The following ZMAT4 variants were observed in gnomAD, a reference collection of about 807,000 sequenced individuals.
ZMAT4 encodes zinc finger matrin-type 4.
ZMAT4 carries 17 observed loss-of-function variants against 28.7 expected under a neutral mutation model. That is an observed-to-expected ratio of 0.59 (90% CI 0.41 to 0.89). The LOEUF is 0.89. Ranked by LOEUF, ZMAT4 falls within the 40% of genes least tolerant of loss-of-function variation. The pLI is 0.00. For synonymous variants in ZMAT4, 117 were observed against 109.2 expected (o/e 1.07, Z -0.44); for missense variants, 240 against 283.8 (o/e 0.85, Z 1.11).
chr8:40,829,218 G>A (rs1373322057), intron 1 of ZMAT4, among the ~76,000 whole-genome samples: 1 of 152,206 alleles, frequency 6.6e-6, no homozygotes, highest in Non-Finnish European at 1.5e-5. Flanking sequence ...AAACAGATCT[G>A]AAAGAAAGCA....
chr8:40,582,176 C>A (rs992044063), intron 5 of ZMAT4, among the ~76,000 whole-genome samples: 1 of 152,080 alleles, frequency 6.6e-6, no homozygotes, highest in African/African-American at 2.4e-5. Context: ...ATCTACAAGA[C>A]GAAGACAAGG....
At chr8:40,600,820 A>G (rs963018529) in intron 5 of ZMAT4, among the ~76,000 whole-genome samples, 3 of 152,124 alleles carry the variant, frequency 2.0e-5, no homozygotes, top group Non-Finnish European at 4.4e-5. Context: ...ATCCCTTCCC[A>G]GCTGTCCACA....
In ZMAT4 at chr8:40,581,058, T is replaced by A. The variant is rs1386030365; in HGVS notation, c.674+107A>T. The A allele has an allele frequency of 1.7e-5, 15 of 865,248 alleles. No homozygotes were observed. The East Asian group carries it at 3.9e-4, about 22-fold the overall frequency. 53.6% of individuals were successfully genotyped at this position (865,248 alleles called of 1,614,324 possible). On this transcript the variant is annotated intron_variant, in intron 6 of 6. Transcript: ENST00000297737. ...TGTGAACTTTGAAGCAAAAGAGATG[T>A]AATTTCCACTCTACTTATTTAGAAA...
At chr8:40,545,833 A>G (rs1430152081) in intron 6 of ZMAT4, among the ~76,000 whole-genome samples, 1 of 152,020 alleles carries the variant, frequency 6.6e-6, no homozygotes, top group Non-Finnish European at 1.5e-5. Context: ...AGGAATTGAG[A>G]CAGTCAATAA....
At chr8:40,637,092 T>TAAA (rs150860407) in intron 5 of ZMAT4, among the ~76,000 whole-genome samples, 5 of 148,438 alleles carry the variant, frequency 3.4e-5, no homozygotes, top group Admixed American at 6.7e-5. Flanking sequence ...GAAATAGATT[T>TAAA]TAAAAAAAAA....
intron 5 of ZMAT4, among the ~76,000 whole-genome samples, chr8:40,652,468 C>A (rs1267822732): frequency 2.9e-5 from 1 of 33,992 alleles, no homozygotes; most frequent in Non-Finnish European, 8.1e-5. Flanking sequence ...AATAGGAACA[C>A]TTTTACACTG....
chr8:40,599,229 A>G (rs1046423222), intron 5 of ZMAT4, among the ~76,000 whole-genome samples: 9 of 152,176 alleles, frequency 5.9e-5, no homozygotes, highest in African/African-American at 1.9e-4. Context: ...GGGGAATAAG[A>G]AATGTCTGAT....
At chr8:40,538,674 C>A (rs1044050768) in intron 6 of ZMAT4, among the ~76,000 whole-genome samples, 1 of 152,164 alleles carries the variant, frequency 6.6e-6, no homozygotes, top group African/African-American at 2.4e-5. Context: ...TTGTTTCCAA[C>A]CCCTAGCTCC....
chr8:40,688,544 A>T (rs1457430635), intron 4 of ZMAT4, among the ~76,000 whole-genome samples: 1 of 152,202 alleles, frequency 6.6e-6, no homozygotes, highest in Admixed American at 6.6e-5. Flanking sequence ...ATGGTACCTC[A>T]AGATGGCCAA....
intron 1 of ZMAT4, among the ~76,000 whole-genome samples, chr8:40,888,917 C>A (rs936019809): frequency 6.6e-6 from 1 of 152,216 alleles, no homozygotes; most frequent in African/African-American, 2.4e-5. Flanking sequence ...GGTGGCTTCA[C>A]ACCTTCTTGC....
intron 3 of ZMAT4, among the ~76,000 whole-genome samples, chr8:40,737,834 G>A (rs552921093): frequency 6.6e-6 from 1 of 151,916 alleles, no homozygotes; most frequent in South Asian, 2.1e-4. Context: ...TAATGAAGAG[G>A]ATAATAGTAC....
chr8:40,863,592 A>G (rs971936128), intron 1 of ZMAT4, among the ~76,000 whole-genome samples: 2 of 152,178 alleles, frequency 1.3e-5, no homozygotes, highest in Non-Finnish European at 2.9e-5. Context: ...GCTAAGTTGA[A>G]AGTTCCTATG....
At chr8:40,747,581 G>A (rs979168537) in intron 3 of ZMAT4, among the ~76,000 whole-genome samples, 7 of 151,296 alleles carry the variant, frequency 4.6e-5, no homozygotes, top group Admixed American at 4.6e-4. Flanking sequence ...CCAGGAGTAT[G>A]TCATAAAGCA....
chr8:40,817,676 C>T (rs1815598581), intron 2 of ZMAT4, among the ~76,000 whole-genome samples: 1 of 151,998 alleles, frequency 6.6e-6, no homozygotes, highest in South Asian at 2.1e-4. Flanking sequence ...GGTCACTGGA[C>T]CAAGGGGAGC....
intron 3 of ZMAT4, among the ~76,000 whole-genome samples, chr8:40,764,615 G>A (rs1813071719): frequency 1.3e-5 from 2 of 152,092 alleles, no homozygotes. Flanking sequence ...GTTAACACTG[G>A]GATGCAAACC....
At chr8:40,621,651 C>A (rs1265088260) in intron 5 of ZMAT4, among the ~76,000 whole-genome samples, 2 of 152,154 alleles carry the variant, frequency 1.3e-5, no homozygotes, top group South Asian at 2.1e-4. Flanking sequence ...TGAGACCCTG[C>A]CTTGGGCATG....
In ZMAT4 at chr8:40,635,585, A is replaced by C. The variant is rs143732745; in HGVS notation, c.577+39119T>G. On this transcript the variant is annotated intron_variant, in intron 5 of 6. Coordinates refer to ENST00000297737, the MANE Select transcript of ZMAT4 (RefSeq NM_024645.3). ...ACTTCTATTCCCTGGTATTAGAGGT[A>C]CAATAAATATGTATTTTAAGTATTT... 3.9e-5 allele frequency among the ~76,000 whole-genome samples: 6 copies of C among 152,354 alleles called. No homozygotes were observed. In the East Asian group the frequency reaches 1.2e-3, roughly 29 times the overall value.
intron 5 of ZMAT4, among the ~76,000 whole-genome samples, chr8:40,598,783 A>C (rs1301801099): frequency 6.6e-6 from 1 of 151,968 alleles, no homozygotes; most frequent in South Asian, 2.1e-4. Flanking sequence ...CAATGAGATA[A>C]AGTCCCAACA....
intron 6 of ZMAT4, among the ~76,000 whole-genome samples, chr8:40,534,631 A>G (rs1193438652): frequency 6.6e-6 from 1 of 151,472 alleles, no homozygotes; most frequent in Non-Finnish European, 1.5e-5. Context: ...GAAACCACAA[A>G]CATGATGAAA....
Sources: allele counts gnomAD v4.1 joint callset (sites outside exome capture counted in the v4.1 genomes callset), GRCh38; gene constraint gnomAD v4.1.1; transcripts MANE v1.5; gene names NCBI Gene and HGNC (gene_info 2026-07-23, HGNC 2026-07-21).